R3HCC1L: variants seen among roughly 807,000 people sequenced by gnomAD.
R3HCC1L encodes the protein coiled-coil domain-containing protein R3HCC1L.
Under a neutral mutation model 59.9 loss-of-function variants are expected in R3HCC1L, and 51 were observed. The ratio of observed to expected loss-of-function variants is 0.85; its 90% CI spans 0.68 to 1.07. The LOEUF is 1.07. Ranked by LOEUF, R3HCC1L falls within the 50% of genes least tolerant of loss-of-function variation. The pLI, the probability that R3HCC1L is intolerant of heterozygous loss-of-function variation, is 0.00. For missense variants in R3HCC1L, 965 were observed against 933.0 expected, an observed-to-expected ratio of 1.03 and a Z score of -0.45; for synonymous variants, 322 against 315.2, an observed-to-expected ratio of 1.02 and a Z score of -0.23.
At chr10:98,152,656 G>A (rs1173325662) in intron 1 of R3HCC1L, among the ~76,000 whole-genome samples, 1 of 131,362 alleles carries the variant, frequency 7.6e-6, no homozygotes. Context: ...CGTCTGGGAT[G>A]TGAGGAGCGC....
rs372533873 is a variant in R3HCC1L at position 98,218,576 on chromosome 10, G to T, written c.1785+8677G>T. ...TTTATGAAGTCTTTTACTAATTTTGGGTTTGGTTTGTTCTTGCTTTTCTAA... is the reference window on the plus strand; with the variant it reads ...TTTATGAAGTCTTTTACTAATTTTGTGTTTGGTTTGTTCTTGCTTTTCTAA... On this transcript the variant is annotated intron_variant, in intron 5 of 9. Coordinates refer to ENST00000298999, the MANE Select transcript of R3HCC1L (RefSeq NM_001351015.2). 3.3e-5 allele frequency among the ~76,000 whole-genome samples: 5 copies of T among 152,108 alleles called. No individual in the cohort carries two copies. The South Asian group carries it at 1.0e-3, about 32-fold the overall frequency.
At chr10:98,137,262 A>G (rs928051069) in intron 1 of R3HCC1L, among the ~76,000 whole-genome samples, 11 of 151,994 alleles carry the variant, frequency 7.2e-5, no homozygotes, top group African/African-American at 2.4e-4. Context: ...CCGATTAGGG[A>G]TTCTCAACCT....
chr10:98,149,425 T>G (rs1346129333), intron 1 of R3HCC1L, among the ~76,000 whole-genome samples: 1 of 152,226 alleles, frequency 6.6e-6, no homozygotes, highest in East Asian at 1.9e-4. Context: ...TCTAGTTCTT[T>G]GAGGCACGTT....
intron 2 of R3HCC1L, among the ~76,000 whole-genome samples, chr10:98,160,937 T>G (rs1847358724): frequency 6.6e-6 from 1 of 152,220 alleles, no homozygotes; most frequent in Non-Finnish European, 1.5e-5. Flanking sequence ...ATAGATACTC[T>G]TTTGTACTCT....
rs750156034 is a variant in R3HCC1L at position 98,209,690 on chromosome 10, G to C, written c.1576G>C (p.Glu526Gln). 6.2e-7 allele frequency: 1 copy of C among 1,613,954 alleles called. No homozygotes were observed. Among genetic ancestry groups the C allele is most frequent in the Non-Finnish European group, 8.5e-7 (1 of 1,179,924 alleles). The change falls in exon 5 of 10, where the codon GAA (glutamate) becomes CAA (glutamine). Residue 526 changes from glutamate to glutamine, a missense_variant. Coordinates refer to ENST00000298999, the MANE Select transcript of R3HCC1L (RefSeq NM_001351015.2). ...TEALHELRTA[E>Q]EFKTEEQDDS... ...AGCATTGCACGAACTAAGAACTGCC[G>C]AAGAGTTCAAAACAGAAGAGCAAGA...
At chr10:98,142,941 A>AC (rs914673113) in intron 1 of R3HCC1L, among the ~76,000 whole-genome samples, 4 of 150,918 alleles carry the variant, frequency 2.7e-5, no homozygotes. Flanking sequence ...TCTCCAAAAA[A>AC]AAACAAACAA....
Position 98,236,054 on chromosome 10 carries a change from A to C in R3HCC1L, c.2159A>C (p.Glu720Ala). ...CTCCAGCCAGCAAAGGAGCGTCCTG[A>C]GACTTCAGCAGCCCTAGCCAGAAGG... Reference protein sequence around the residue: ...EFLQPAKERPETSAALARRLV... With the variant: ...EFLQPAKERPATSAALARRLV... The change falls in exon 9 of 10, where the codon GAG (glutamate) becomes GCG (alanine). Residue 720 changes from glutamate (E) to alanine (A), a missense_variant. Physicochemically the swap from Glu to Ala is moderately radical, Grantham distance 107. Coordinates refer to ENST00000298999, the MANE Select transcript of R3HCC1L (RefSeq NM_001351015.2). 1 of 1,613,942 alleles carries C rather than the reference A, an allele frequency of 6.2e-7. No homozygotes were observed. Among genetic ancestry groups the C allele is most frequent in the East Asian group, 2.2e-5 (1 of 44,882 alleles).
At position 98,183,201 on chromosome 10, in the gene R3HCC1L, T is replaced by G. The variant is rs1590603378; in HGVS notation, c.-15+19804T>G. Reference sequence around the variant, plus strand: ...GACCACAAGGCTGAACATTTTTTATTTCTTCTTCAATTTGAAATATATTTT... The same window carrying G: ...GACCACAAGGCTGAACATTTTTTATGTCTTCTTCAATTTGAAATATATTTT... On this transcript the variant is annotated intron_variant, in intron 4 of 9. Transcript: ENST00000298999. Among the ~76,000 whole-genome samples, 3 of 152,340 alleles carry G rather than the reference T, an allele frequency of 2.0e-5. No individual in the cohort carries two copies. In the South Asian group the frequency reaches 6.2e-4, roughly 32 times the overall value.
At chr10:98,195,177 C>T (rs532450045) in intron 4 of R3HCC1L, among the ~76,000 whole-genome samples, 1 of 152,154 alleles carries the variant, frequency 6.6e-6, no homozygotes, top group Non-Finnish European at 1.5e-5. Context: ...CATGGTTGAA[C>T]CTTCAGGACA....
chr10:98,169,125 A>C (rs968960652), intron 4 of R3HCC1L, among the ~76,000 whole-genome samples: 9 of 152,212 alleles, frequency 5.9e-5, no homozygotes, highest in African/African-American at 1.7e-4. Context: ...AAAGCATTAA[A>C]GATCTTTCAT....
intron 4 of R3HCC1L, among the ~76,000 whole-genome samples, chr10:98,184,913 G>A (rs755945572): frequency 6.6e-6 from 1 of 152,112 alleles, no homozygotes; most frequent in Non-Finnish European, 1.5e-5. Flanking sequence ...AGGTAAAGTA[G>A]TGCTCATGTC....
At chr10:98,242,255 A>T (rs1262380540) in intron 9 of R3HCC1L, among the ~76,000 whole-genome samples, 3 of 152,192 alleles carry the variant, frequency 2.0e-5, no homozygotes, top group African/African-American at 7.2e-5. Context: ...AGACTGAGGC[A>T]TGAGAATTGC....
intron 5 of R3HCC1L, chr10:98,211,367 T>C: frequency 6.5e-7 from 1 of 1,527,884 alleles, no homozygotes; most frequent in Non-Finnish European, 8.8e-7. Flanking sequence ...CTTAAATCTA[T>C]ATCAGAATGT....
At chr10:98,135,029 T>G (rs1243950855) in intron 1 of R3HCC1L, among the ~76,000 whole-genome samples, 2 of 152,192 alleles carry the variant, frequency 1.3e-5, no homozygotes, top group African/African-American at 4.8e-5. Flanking sequence ...CAACAGGTAT[T>G]GAGCGGGGTC....
chr10:98,188,816 A>G (rs1167141711), intron 4 of R3HCC1L, among the ~76,000 whole-genome samples: 7 of 152,162 alleles, frequency 4.6e-5, no homozygotes, highest in Non-Finnish European at 8.8e-5. Flanking sequence ...CTAGATTAGG[A>G]TCTAGATAAT....
chr10:98,221,694 T>A (rs996165231), intron 5 of R3HCC1L, among the ~76,000 whole-genome samples: 2 of 152,100 alleles, frequency 1.3e-5, no homozygotes, highest in Admixed American at 6.5e-5. Context: ...GTTGTAGATA[T>A]GCAGCGTTAT....
rs184178345 is a variant in R3HCC1L, at chr10:98,173,439, G to A, written c.-15+10042G>A. 3.3e-5 allele frequency among the ~76,000 whole-genome samples: 5 copies of A among 152,206 alleles called. No homozygotes were observed. In the East Asian group the frequency reaches 9.7e-4, roughly 29 times the overall value. ...CTTCAGACTGGGGGAGGGGTAGAGG[G>A]AGCCTAATGTACCGGAGATGCTTCG... On this transcript the variant is annotated intron_variant, in intron 4 of 9. Transcript: ENST00000298999.
At chr10:98,217,061 G>C (rs1319488245) in intron 5 of R3HCC1L, among the ~76,000 whole-genome samples, 2 of 152,148 alleles carry the variant, frequency 1.3e-5, no homozygotes, top group African/African-American at 2.4e-5. Context: ...ATGTTGGTAA[G>C]GAAATTGAAA....
At chr10:98,190,100 A>G (rs1290161167) in intron 4 of R3HCC1L, among the ~76,000 whole-genome samples, 1 of 152,212 alleles carries the variant, frequency 6.6e-6, no homozygotes, top group Non-Finnish European at 1.5e-5. Context: ...CTTATACCTA[A>G]TACAATATAA....
Sources: gnomAD v4.1 joint callset for allele counts (sites outside exome capture counted in the v4.1 genomes callset) on GRCh38, gnomAD v4.1.1 for gene constraint, MANE v1.5 for transcripts, NCBI Gene and HGNC (gene_info 2026-07-23, HGNC 2026-07-21) for gene names.